The following HDAC9 variants were observed in gnomAD, a reference collection of about 807,000 sequenced individuals.
HDAC9 encodes MEF-2 interacting transcription repressor (MITR) protein.
In HDAC9, 41 loss-of-function variants were observed where a neutral mutation model predicts 139.4. That is an observed-to-expected ratio of 0.29 (90% CI 0.23 to 0.38). HDAC9 has a LOEUF of 0.38. HDAC9 is among the 10% of genes least tolerant of loss of function. The pLI is 1.00. For synonymous variants in HDAC9, 517 were observed against 476.2 expected, an observed-to-expected ratio of 1.09 and a Z score of -1.12; for missense variants, 1,147 against 1,297.0, an observed-to-expected ratio of 0.88 and a Z score of 1.78.
chr7:18,743,090 C>A (rs772795717), intron 13 of HDAC9, among the ~76,000 whole-genome samples: 2 of 151,608 alleles, frequency 1.3e-5, no homozygotes, highest in Admixed American at 6.6e-5. Flanking sequence ...TTTTTTTTCT[C>A]ACTCATTCTT....
At chr7:18,256,296 C>A (rs1795239035) in intron 2 of HDAC9, among the ~76,000 whole-genome samples, 1 of 152,006 alleles carries the variant, frequency 6.6e-6, no homozygotes, top group East Asian at 1.9e-4. Flanking sequence ...GATATAAAAC[C>A]ATGATGTTAT....
intron 1 of HDAC9, among the ~76,000 whole-genome samples, chr7:18,298,775 G>A (rs1798322614): frequency 6.6e-6 from 1 of 151,996 alleles, no homozygotes; most frequent in South Asian, 2.1e-4. Context: ...GCTGTGAGTT[G>A]GTTTAAATAT....
At chr7:18,793,707 T>C (rs370278546) in intron 17 of HDAC9, among the ~76,000 whole-genome samples, 4 of 152,306 alleles carry the variant, frequency 2.6e-5, no homozygotes, top group African/African-American at 7.2e-5. Context: ...AGCACAGAGA[T>C]AATAAGCAAA....
chr7:18,782,868 G>A (rs144148535), intron 16 of HDAC9, among the ~76,000 whole-genome samples: 27 of 152,094 alleles, frequency 1.8e-4, no homozygotes, highest in Non-Finnish European at 2.5e-4. Context: ...GAATGAACTT[G>A]CCCGTGTTTG....
At chr7:18,113,705 A>G (rs2128085739) in intron 1 of HDAC9, among the ~76,000 whole-genome samples, 1 of 152,338 alleles carries the variant, frequency 6.6e-6, no homozygotes, top group South Asian at 2.1e-4. Context: ...AATGCATAAC[A>G]TTTTGCTTAC....
chr7:18,687,152 A>G (rs941742856), intron 12 of HDAC9, among the ~76,000 whole-genome samples: 1 of 151,826 alleles, frequency 6.6e-6, no homozygotes, highest in Non-Finnish European at 1.5e-5. Flanking sequence ...AATCCTATCA[A>G]AATTCTTAGT....
chr7:18,333,825 A>G (rs918612356), intron 1 of HDAC9, among the ~76,000 whole-genome samples: 1 of 151,462 alleles, frequency 6.6e-6, no homozygotes, highest in Non-Finnish European at 1.5e-5. Context: ...TATATATGCA[A>G]GAGCTGGTTC....
intron 2 of HDAC9, among the ~76,000 whole-genome samples, chr7:18,243,854 T>C (rs1247067428): frequency 1.3e-5 from 2 of 152,216 alleles, no homozygotes; most frequent in Non-Finnish European, 1.5e-5. Flanking sequence ...AGAAGATAGA[T>C]ACAGCAAGAT....
intron 24 of HDAC9, among the ~76,000 whole-genome samples, chr7:18,966,421 G>A (rs774163853): frequency 6.6e-6 from 1 of 152,214 alleles, no homozygotes; most frequent in Non-Finnish European, 1.5e-5. Context: ...AGAGTTAGGG[G>A]TCGGGAGCCG....
chr7:18,351,974 A>G (rs969872827), intron 1 of HDAC9, among the ~76,000 whole-genome samples: 11 of 152,204 alleles, frequency 7.2e-5, no homozygotes, highest in African/African-American at 2.7e-4. Flanking sequence ...GTGGAACAGA[A>G]CAGAACTAGA....
At chr7:18,347,722 C>T (rs1044147301) in intron 1 of HDAC9, among the ~76,000 whole-genome samples, 1 of 151,996 alleles carries the variant, frequency 6.6e-6, no homozygotes, top group Non-Finnish European at 1.5e-5. Context: ...TTCAGGCTCC[C>T]GAGTAGCTGG....
At chr7:18,964,866 G>T (rs1435081259) in intron 24 of HDAC9, among the ~76,000 whole-genome samples, 1 of 152,174 alleles carries the variant, frequency 6.6e-6, no homozygotes, top group African/African-American at 2.4e-5. Flanking sequence ...GGATTATGAG[G>T]ATTACAATTC....
At chr7:18,279,811 C>G (rs1796988159) in intron 2 of HDAC9, among the ~76,000 whole-genome samples, 1 of 151,992 alleles carries the variant, frequency 6.6e-6, no homozygotes, top group African/African-American at 2.4e-5. Context: ...AAACTAGTTT[C>G]AAAGAGGCCT....
intron 23 of HDAC9, among the ~76,000 whole-genome samples, chr7:18,950,932 T>C (rs1379657242): frequency 6.6e-6 from 1 of 152,042 alleles, no homozygotes. Context: ...GATGTATACA[T>C]CCATCCTCAC....
intron 1 of HDAC9, among the ~76,000 whole-genome samples, chr7:18,089,623 A>G (rs1309151129): frequency 6.6e-6 from 1 of 152,114 alleles, no homozygotes; most frequent in African/African-American, 2.4e-5. Context: ...TAATATCTAC[A>G]TCTAGGTTTA....
At chr7:18,567,146 A>T (rs1419084174) in intron 2 of HDAC9, among the ~76,000 whole-genome samples, 1 of 152,300 alleles carries the variant, frequency 6.6e-6, no homozygotes, top group South Asian at 2.1e-4. Flanking sequence ...GTCCTGCAGC[A>T]TGCCAAATTT....
At chr7:18,124,624 T>C (rs1165584636) in intron 1 of HDAC9, among the ~76,000 whole-genome samples, 1 of 152,148 alleles carries the variant, frequency 6.6e-6, no homozygotes, top group Non-Finnish European at 1.5e-5. Context: ...TGAGGCCTTC[T>C]AATACCGTCA....
chr7:18,937,463 T>C (rs1041334699), intron 23 of HDAC9, among the ~76,000 whole-genome samples: 1 of 152,196 alleles, frequency 6.6e-6, no homozygotes, highest in Admixed American at 6.5e-5. Context: ...AAAATGTTAG[T>C]GTCTTTCTGT....
At chr7:18,502,742 G>C (rs1798722691) in intron 2 of HDAC9, 1 of 152,110 alleles carries the variant, frequency 6.6e-6, no homozygotes, top group Admixed American at 6.6e-5. Flanking sequence ...CTAATAAAGA[G>C]ACTGAAGTAA....
Sources: allele counts gnomAD v4.1 joint callset (sites outside exome capture counted in the v4.1 genomes callset), GRCh38; gene constraint gnomAD v4.1.1; transcripts MANE v1.5; gene names NCBI Gene and HGNC (gene_info 2026-07-23, HGNC 2026-07-21).